The following USP48 variants were observed in gnomAD, a reference collection of about 807,000 sequenced individuals.
The protein encoded by USP48 is ubiquitin specific peptidase 48.
Under a neutral mutation model 150.7 loss-of-function variants are expected in USP48, and 43 were observed. The ratio of observed to expected loss-of-function variants is 0.29; its 90% CI spans 0.22 to 0.37. USP48 has a LOEUF of 0.37. USP48 is among the 10% of genes least tolerant of loss of function. USP48 has a pLI of 1.00. For missense variants in USP48, 813 were observed against 1,249.6 expected (o/e 0.65, Z 5.27); for synonymous variants, 396 against 425.9 (o/e 0.93, Z 0.86).
At chr1:21,719,654 G>A (rs1273579459) in intron 14 of USP48, among the ~76,000 whole-genome samples, 1 of 152,160 alleles carries the variant, frequency 6.6e-6, no homozygotes, top group East Asian at 1.9e-4. Flanking sequence ...ACTTTTGGGA[G>A]GTCAGGAGTT....
At chr1:21,710,814 C>T (rs1315507310) in intron 15 of USP48, among the ~76,000 whole-genome samples, 6 of 143,868 alleles carry the variant, frequency 4.2e-5, no homozygotes, top group Admixed American at 6.9e-5. Context: ...AAAAAAAAAA[C>T]TTTTATTTTT....
chr1:21,739,340 G>A (rs1313449543), intron 8 of USP48, among the ~76,000 whole-genome samples: 1 of 151,920 alleles, frequency 6.6e-6, no homozygotes, highest in Non-Finnish European at 1.5e-5. Flanking sequence ...CCAGCATGGT[G>A]AAACCCCCTC....
intron 15 of USP48, among the ~76,000 whole-genome samples, chr1:21,711,522 T>C (rs2097690191): frequency 6.6e-6 from 1 of 152,144 alleles, no homozygotes; most frequent in African/African-American, 2.4e-5. Flanking sequence ...ACCTTTCCAC[T>C]CTTCAATGCA....
At chr1:21,765,089 A>G (rs575717555) in intron 1 of USP48, among the ~76,000 whole-genome samples, 1 of 152,254 alleles carries the variant, frequency 6.6e-6, no homozygotes, top group Non-Finnish European at 1.5e-5. Flanking sequence ...TTTTGTTTCA[A>G]TAATTCTACT....
chr1:21,755,577 A>C (rs1477012514), intron 3 of USP48, among the ~76,000 whole-genome samples: 1 of 152,080 alleles, frequency 6.6e-6, no homozygotes, highest in Admixed American at 6.6e-5. Context: ...AATAAAAAAA[A>C]ACCTTTTCTG....
intron 10 of USP48, 39 bp from the exon 11 acceptor site, chr1:21,728,758 G>C: frequency 6.2e-7 from 1 of 1,607,290 alleles, no homozygotes; most frequent in Non-Finnish European, 8.5e-7. Context: ...CTTTATTCTT[G>C]TTTTCACATA....
chr1:21,755,487 G>A (rs12137072), intron 3 of USP48, among the ~76,000 whole-genome samples: 24,344 of 152,222 alleles, frequency 0.16, 2,071 homozygotes, highest in Non-Finnish European at 0.2. Flanking sequence ...GCTTGAGCCT[G>A]GGAGGTTGAG....
intron 3 of USP48, among the ~76,000 whole-genome samples, chr1:21,755,532 A>G (rs1421996638): frequency 6.6e-6 from 1 of 152,218 alleles, no homozygotes; most frequent in Non-Finnish European, 1.5e-5. Context: ...AGCCTGGGCG[A>G]AAAAGTGAGA....
Position 21,734,211 on chromosome 1 carries a change from G to T in USP48, c.1171+2235C>A, listed in dbSNP as rs333181. On this transcript the variant is annotated intron_variant, in intron 9 of 26. Transcript: ENST00000308271. ...GGCAGGAATTCAAAAGCAACCTGGGGAACCCAGGGAGACTCTGTCTCTGTA... is the reference window on the plus strand; with the variant it reads ...GGCAGGAATTCAAAAGCAACCTGGGTAACCCAGGGAGACTCTGTCTCTGTA... 2.2e-3 allele frequency among the ~76,000 whole-genome samples: 335 copies of T among 152,052 alleles called. 2 individuals are homozygous for T. Among genetic ancestry groups the T allele is most frequent in the African/African-American group, 6.9e-3 (288 of 41,446 alleles).
chr1:21,706,408 A>T, intron 17 of USP48, 59 bp downstream of exon 17: 2 of 1,608,072 alleles, frequency 1.2e-6, no homozygotes, highest in Non-Finnish European at 1.7e-6. Context: ...CTCACTGGGA[A>T]TTTGGCAAGG....
chr1:21,739,508 G>T (rs2097776231), intron 8 of USP48, among the ~76,000 whole-genome samples: 1 of 58,268 alleles, frequency 1.7e-5, no homozygotes, highest in African/African-American at 6.9e-5. Context: ...AACAAGGCAA[G>T]ACTCCGTCTC....
At chr1:21,739,631 T>C (rs1213103034) in intron 8 of USP48, among the ~76,000 whole-genome samples, 1 of 151,606 alleles carries the variant, frequency 6.6e-6, no homozygotes, top group African/African-American at 2.4e-5. Flanking sequence ...AGCTAATATA[T>C]CCATTTTCTG....
intron 8 of USP48, among the ~76,000 whole-genome samples, chr1:21,738,800 T>C (rs1571920996): frequency 6.6e-6 from 1 of 151,992 alleles, no homozygotes; most frequent in Non-Finnish European, 1.5e-5. Context: ...ACAGTAAACA[T>C]ACTGGACACG....
Position 21,723,938 on chromosome 1 carries a change from G to A in USP48, c.1608C>T (p.Asp536=), listed in dbSNP as rs769882924. Residue 536 remains aspartate (D), a synonymous_variant, in exon 12 of 27, where the codon GAC becomes GAT. Transcript: ENST00000308271. Reference sequence around the variant, plus strand: ...CTCCTCCATATCTACTATAGAAAATGTCAGCTGCATATTCAGATATCCTCT... The same window carrying A: ...CTCCTCCATATCTACTATAGAAAATATCAGCTGCATATTCAGATATCCTCT... The part of the protein sequence containing the change: ...IMKRISEYAA[D]IFYSRYGGGP... 3 of 1,613,996 alleles carry A rather than the reference G, an allele frequency of 1.9e-6. No individual in the cohort carries two copies. The African/African-American group carries it at 4.0e-5, about 22-fold the overall frequency.
At chr1:21,717,280 T>TG (rs2097707219) in intron 14 of USP48, among the ~76,000 whole-genome samples, 1 of 152,030 alleles carries the variant, frequency 6.6e-6, no homozygotes, top group African/African-American at 2.4e-5. Context: ...GGCACGCACC[T>TG]GGGGTCCCAG....
chr1:21,715,583 T>C, intron 14 of USP48, 126 bp from the exon 15 acceptor site: 1 of 523,076 alleles, frequency 1.9e-6, no homozygotes, highest in Non-Finnish European at 3.4e-6. Context: ...ATTAGACCCA[T>C]GTGATTCCTA....
chr1:21,706,292 A>T, intron 17 of USP48, 105 bp from the exon 18 acceptor site: 1 of 1,506,796 alleles, frequency 6.6e-7, no homozygotes, highest in Non-Finnish European at 9.0e-7. Flanking sequence ...TTATAAATAA[A>T]ATGAAAACAC....
intron 1 of USP48, chr1:21,768,686 C>T (rs2097869702): frequency 6.7e-6 from 1 of 149,042 alleles, no homozygotes; most frequent in African/African-American, 2.5e-5. Flanking sequence ...CCCCCCTTTC[C>T]TTCTAGGATC....
chr1:21,688,265 C>T (rs941317047), intron 24 of USP48, among the ~76,000 whole-genome samples: 5 of 152,050 alleles, frequency 3.3e-5, no homozygotes, highest in African/African-American at 9.7e-5. Context: ...GTTGCCCAGG[C>T]TGGAGTGCAG....
Sources: allele counts gnomAD v4.1 joint callset (sites outside exome capture counted in the v4.1 genomes callset), GRCh38; gene constraint gnomAD v4.1.1; transcripts MANE v1.5; gene names NCBI Gene and HGNC (gene_info 2026-07-23, HGNC 2026-07-21).